The following MAGI1 variants were observed in gnomAD, a reference collection of about 807,000 sequenced individuals.
MAGI1 encodes membrane associated guanylate kinase, WW and PDZ domain containing 1.
Under a neutral mutation model 139.9 loss-of-function variants are expected in MAGI1, and 58 were observed. That is an observed-to-expected ratio of 0.41 (90% CI 0.34 to 0.52). The LOEUF (loss-of-function observed/expected upper bound fraction) is 0.52. MAGI1 is among the 20% of genes least tolerant of loss of function. The pLI, the probability that MAGI1 is intolerant of heterozygous loss-of-function variation, is 0.12. For missense variants in MAGI1, 1,874 were observed against 1,901.6 expected, an observed-to-expected ratio of 0.99 and a Z score of 0.27; for synonymous variants, 812 against 737.9, an observed-to-expected ratio of 1.10 and a Z score of -1.63.
chr3:65,442,985 CA>C (rs1427255458), intron 7 of MAGI1, 136 bp from the exon 8 acceptor site: 33,939 of 358,618 alleles, frequency 0.095, no homozygotes, highest in East Asian at 0.13. Context: ...ATATCCTAAC[CA>C]AAAAAAAAAA....
At chr3:65,713,113 T>C (rs1259247871) in intron 1 of MAGI1, among the ~76,000 whole-genome samples, 1 of 152,150 alleles carries the variant, frequency 6.6e-6, no homozygotes, top group Non-Finnish European at 1.5e-5. Flanking sequence ...CCAGGCCCCA[T>C]TCCTTCTACT....
chr3:65,988,856 T>A (rs1289162860), intron 1 of MAGI1, among the ~76,000 whole-genome samples: 2 of 152,230 alleles, frequency 1.3e-5, no homozygotes, highest in Non-Finnish European at 2.9e-5. Flanking sequence ...ACTGACTTAT[T>A]AACAATATTT....
chr3:65,930,490 G>GGGA, intron 1 of MAGI1, among the ~76,000 whole-genome samples: 1 of 152,098 alleles, frequency 6.6e-6, no homozygotes, highest in Admixed American at 6.6e-5. Context: ...CCAGCACTTT[G>GGGA]GGAGGCAGAG....
At chr3:65,592,887 C>A (rs1359010134) in intron 2 of MAGI1, among the ~76,000 whole-genome samples, 1 of 152,044 alleles carries the variant, frequency 6.6e-6, no homozygotes, top group Admixed American at 6.6e-5. Context: ...TTCCCTATTC[C>A]CTGATCTTAT....
At chr3:65,412,490 A>G (rs1575654652) in intron 12 of MAGI1, among the ~76,000 whole-genome samples, 1 of 152,234 alleles carries the variant, frequency 6.6e-6, no homozygotes, top group South Asian at 2.1e-4. Flanking sequence ...TTTATTGTTT[A>G]CTTATTGATT....
intron 1 of MAGI1, among the ~76,000 whole-genome samples, chr3:66,027,337 T>C (rs1456233640): frequency 6.6e-6 from 1 of 152,044 alleles, no homozygotes; most frequent in Non-Finnish European, 1.5e-5. Flanking sequence ...AGGGTCTTTC[T>C]CTGTCACCCA....
intron 1 of MAGI1, among the ~76,000 whole-genome samples, chr3:65,859,731 A>C (rs2059486586): frequency 6.6e-6 from 1 of 151,518 alleles, no homozygotes; most frequent in African/African-American, 2.4e-5. Context: ...AAAAAAACAA[A>C]AAAAAAAAAC....
At chr3:65,544,932 T>C (rs906868459) in intron 2 of MAGI1, among the ~76,000 whole-genome samples, 1 of 152,232 alleles carries the variant, frequency 6.6e-6, no homozygotes, top group Non-Finnish European at 1.5e-5. Context: ...GCCACATGCA[T>C]GTTACCATTT....
chr3:65,475,561 T>C (rs764084342), intron 4 of MAGI1, among the ~76,000 whole-genome samples: 2 of 152,186 alleles, frequency 1.3e-5, no homozygotes, highest in African/African-American at 2.4e-5. Context: ...AAAGTCTTTG[T>C]TTGTGTATAT....
chr3:65,816,149 C>A (rs2041586724), intron 1 of MAGI1, among the ~76,000 whole-genome samples: 1 of 152,106 alleles, frequency 6.6e-6, no homozygotes, highest in African/African-American at 2.4e-5. Flanking sequence ...TTTTCAAACA[C>A]TCCCCAGGTG....
At chr3:65,678,078 A>G (rs575133102) in intron 1 of MAGI1, among the ~76,000 whole-genome samples, 1 of 152,298 alleles carries the variant, frequency 6.6e-6, no homozygotes, top group East Asian at 1.9e-4. Flanking sequence ...AGGAACAGAA[A>G]ACCAAACACC....
intron 1 of MAGI1, among the ~76,000 whole-genome samples, chr3:65,638,849 C>T (rs9835578): frequency 0.061 from 9,224 of 151,864 alleles, 930 homozygotes; most frequent in African/African-American, 0.21. Context: ...TGAGGTGATC[C>T]GCCCACCTCA....
At chr3:65,652,665 C>T (rs543680521) in intron 1 of MAGI1, among the ~76,000 whole-genome samples, 27 of 152,272 alleles carry the variant, frequency 1.8e-4, no homozygotes, top group African/African-American at 6.0e-4. Flanking sequence ...TCGTGGTTTG[C>T]AAACCCAATA....
intron 2 of MAGI1, among the ~76,000 whole-genome samples, chr3:65,511,666 T>C (rs957360434): frequency 1.4e-5 from 2 of 145,836 alleles, no homozygotes; most frequent in African/African-American, 5.1e-5. Context: ...AAGTCCTGAG[T>C]GACCTACAAA....
intron 1 of MAGI1, among the ~76,000 whole-genome samples, chr3:65,722,494 A>G (rs1454918904): frequency 1.3e-5 from 2 of 151,816 alleles, no homozygotes; most frequent in Non-Finnish European, 2.9e-5. Flanking sequence ...TTAGCTAGAC[A>G]CAGTGGCATG....
chr3:65,781,795 T>C (rs1426366013), intron 1 of MAGI1, among the ~76,000 whole-genome samples: 1 of 152,224 alleles, frequency 6.6e-6, no homozygotes, highest in Admixed American at 6.5e-5. Context: ...GATTCTCTCA[T>C]TAATCTCCAT....
intron 2 of MAGI1, among the ~76,000 whole-genome samples, chr3:65,580,657 T>C (rs1026700490): frequency 6.6e-5 from 10 of 152,116 alleles, no homozygotes; most frequent in African/African-American, 2.4e-4. Flanking sequence ...AAAGCATGAA[T>C]AAAGAAGTGA....
At chr3:65,996,499 T>C (rs902038746) in intron 1 of MAGI1, among the ~76,000 whole-genome samples, 2 of 136,326 alleles carry the variant, frequency 1.5e-5, no homozygotes, top group African/African-American at 5.4e-5. Flanking sequence ...TAATTTTCCA[T>C]CATTGGAATA....
At chr3:65,525,973 A>T (rs566075188) in intron 2 of MAGI1, among the ~76,000 whole-genome samples, 2 of 152,300 alleles carry the variant, frequency 1.3e-5, no homozygotes, top group Admixed American at 1.3e-4. Flanking sequence ...GGAAATCACA[A>T]TTTATAGAAA....
Sources: allele counts gnomAD v4.1 joint callset (sites outside exome capture counted in the v4.1 genomes callset), GRCh38; gene constraint gnomAD v4.1.1; transcripts MANE v1.5; gene names NCBI Gene and HGNC (gene_info 2026-07-23, HGNC 2026-07-21).